Variants in NDUFB6 observed in about 807,000 individuals in gnomAD.
NDUFB6 encodes the protein NADH dehydrogenase [ubiquinone] 1 beta subcomplex subunit 6.
In NDUFB6, 23 loss-of-function variants were observed where a neutral mutation model predicts 17.5. That is an observed-to-expected ratio of 1.31 (90% CI 0.94 to 1.86). The LOEUF (loss-of-function observed/expected upper bound fraction) is 1.86, where lower values mean the gene tolerates loss of function less well. Ranked by LOEUF, NDUFB6 falls within the 40% of genes most tolerant of loss-of-function variation. The probability of loss-of-function intolerance (pLI) is 0.00; values close to 1 mark genes in which losing one functional copy is unlikely to be tolerated. For synonymous variants in NDUFB6, 60 were observed against 53.5 expected, an observed-to-expected ratio of 1.12 and a Z score of -0.53; for missense variants, 167 against 153.8, an observed-to-expected ratio of 1.09 and a Z score of -0.46.
At chr9:32,563,293 G>A (rs1307947421) in intron 2 of NDUFB6, among the ~76,000 whole-genome samples, 1 of 151,848 alleles carries the variant, frequency 6.6e-6, no homozygotes, top group Non-Finnish European at 1.5e-5. Context: ...AATATTTTGA[G>A]GATAAGTATT....
chr9:32,565,852 A>G (rs1296844433), intron 2 of NDUFB6, among the ~76,000 whole-genome samples: 1 of 152,108 alleles, frequency 6.6e-6, no homozygotes, highest in Non-Finnish European at 1.5e-5. Context: ...CATACCTGTA[A>G]TCCTAGCTAC....
At chr9:32,562,842 G>A (rs775089225) in intron 2 of NDUFB6, among the ~76,000 whole-genome samples, 40 of 152,144 alleles carry the variant, frequency 2.6e-4, no homozygotes, top group Non-Finnish European at 5.3e-4. Context: ...TCCATTGACT[G>A]TGCAGGCTCT....
At chr9:32,560,093 GAA>G (rs1821584491) in intron 2 of NDUFB6, among the ~76,000 whole-genome samples, 1 of 152,250 alleles carries the variant, frequency 6.6e-6, no homozygotes, top group South Asian at 2.1e-4. Flanking sequence ...AAAAGACACT[GAA>G]AAGTCATCTG....
intron 2 of NDUFB6, chr9:32,566,193 G>A (rs1821783931): frequency 1.3e-6 from 1 of 759,060 alleles, no homozygotes; most frequent in South Asian, 1.5e-5. Flanking sequence ...ACCTTGTCTG[G>A]GGTTTGTAGA....
chr9:32,572,575 A>G (rs375594854), intron 1 of NDUFB6, among the ~76,000 whole-genome samples: 2 of 152,196 alleles, frequency 1.3e-5, no homozygotes, highest in African/African-American at 4.8e-5. Context: ...GTCCTTGGTT[A>G]TTATTCTGAG....
intron 2 of NDUFB6, chr9:32,566,543 A>G (rs747720359): frequency 3.5e-5 from 27 of 773,186 alleles, no homozygotes; most frequent in Non-Finnish European, 5.5e-5. Context: ...CCTCTGTTGT[A>G]TAGCTGCCGT....
chr9:32,562,199 C>T (rs563483025), intron 2 of NDUFB6, among the ~76,000 whole-genome samples: 32 of 152,282 alleles, frequency 2.1e-4, no homozygotes, highest in African/African-American at 7.7e-4. Flanking sequence ...GTACTCTTTC[C>T]CAAATTATAC....
At chr9:32,563,244 C>T (rs1054071055) in intron 2 of NDUFB6, among the ~76,000 whole-genome samples, 5 of 152,180 alleles carry the variant, frequency 3.3e-5, no homozygotes, top group African/African-American at 1.2e-4. Context: ...CCAGATTTCT[C>T]TACTACAAAG....
At chr9:32,571,774 C>T (rs1821945946) in intron 1 of NDUFB6, among the ~76,000 whole-genome samples, 1 of 152,162 alleles carries the variant, frequency 6.6e-6, no homozygotes, top group Admixed American at 6.5e-5. Flanking sequence ...ATATCACTTG[C>T]TGATGGATGG....
intron 2 of NDUFB6, among the ~76,000 whole-genome samples, chr9:32,569,238 GA>G (rs1821888906): frequency 1.3e-5 from 2 of 151,302 alleles, no homozygotes; most frequent in African/African-American, 2.4e-5. Flanking sequence ...TTTCTTTTTT[GA>G]GACGGAGTCT....
At chr9:32,558,815 G>T (rs887471883) in intron 3 of NDUFB6, 95 bp downstream of exon 3, 2 of 867,768 alleles carry the variant, frequency 2.3e-6, no homozygotes, top group Non-Finnish European at 3.5e-6. Context: ...AAGTGAGAAG[G>T]AAAGAACATT....
rs1057340249 is a variant in NDUFB6, at chr9:32,553,192, C to T, written c.*684G>A. 1 of 298,300 alleles carries T rather than the reference C, an allele frequency of 3.4e-6. No individual in the cohort carries two copies. Among genetic ancestry groups the T allele is most frequent in the Non-Finnish European group, 6.2e-6 (1 of 161,566 alleles). 18.5% of individuals were successfully genotyped at this position (298,300 alleles called of 1,614,324 possible). On this transcript the variant is annotated 3_prime_UTR_variant, in exon 4 of 4. Transcript: ENST00000379847. ...GTTTCTAAATTCTTCAAAAATGATTCGGAAAGCTTTTTTTTTTTTTGAGAC... is the reference window on the plus strand; with the variant it reads ...GTTTCTAAATTCTTCAAAAATGATTTGGAAAGCTTTTTTTTTTTTTGAGAC...
chr9:32,572,361 A>G (rs969337610), intron 1 of NDUFB6, among the ~76,000 whole-genome samples: 17 of 152,198 alleles, frequency 1.1e-4, no homozygotes, highest in African/African-American at 3.1e-4. Context: ...GGTAGTTTAG[A>G]AAGGTAGCTC....
intron 1 of NDUFB6, among the ~76,000 whole-genome samples, chr9:32,572,279 T>G (rs1449829814): frequency 2.6e-5 from 4 of 152,224 alleles, no homozygotes; most frequent in Non-Finnish European, 5.9e-5. Context: ...AATAAAGTTC[T>G]TGAATGAGTG....
intron 3 of NDUFB6, among the ~76,000 whole-genome samples, chr9:32,555,495 A>C (rs777472019): frequency 4.6e-5 from 7 of 152,240 alleles, no homozygotes; most frequent in Non-Finnish European, 8.8e-5. Context: ...GAAATGAGAC[A>C]AGCTGGTAAC....
intron 2 of NDUFB6, among the ~76,000 whole-genome samples, chr9:32,569,724 C>T (rs550957724): frequency 6.6e-6 from 1 of 152,036 alleles, no homozygotes; most frequent in South Asian, 2.1e-4. Flanking sequence ...CACTATGTTG[C>T]CCAAGCCGGT....
intron 3 of NDUFB6, among the ~76,000 whole-genome samples, chr9:32,554,852 CTATT>C (rs1821411164): frequency 6.6e-6 from 1 of 152,018 alleles, no homozygotes; most frequent in South Asian, 2.1e-4. Flanking sequence ...CAGTGGCAAA[CTATT>C]TAGCAAAATA....
chr9:32,573,144 G>A lies in NDUFB6; in HGVS notation c.-84C>T. ...CTTAAGCGCGCTCCCGCTCTGCAAA[G>A]CGACCTTGCGGGAACGCCGAGCGCC... On this transcript the variant is annotated 5_prime_UTR_variant, in exon 1 of 4. Transcript: ENST00000379847. 7.2e-7 allele frequency: 1 copy of A among 1,387,352 alleles called. No individual in the cohort carries two copies. The highest frequency in any genetic ancestry group is 9.5e-7 in the Non-Finnish European group (1 of 1,056,494). 85.9% of individuals were successfully genotyped at this position (1,387,352 alleles called of 1,614,324 possible).
intron 2 of NDUFB6, chr9:32,567,914 T>C (rs1268893188): frequency 5.9e-6 from 1 of 169,652 alleles, no homozygotes; most frequent in African/African-American, 2.4e-5. Flanking sequence ...AAGAGCTGCA[T>C]GTTTCTCACT....
Sources: allele counts gnomAD v4.1 joint callset (sites outside exome capture counted in the v4.1 genomes callset), GRCh38; gene constraint gnomAD v4.1.1; transcripts MANE v1.5; gene names NCBI Gene and HGNC (gene_info 2026-07-23, HGNC 2026-07-21).